Variants in FBXL17 observed in about 807,000 individuals in gnomAD.
The protein encoded by FBXL17 is F-box/LRR-repeat protein 17.
Under a neutral mutation model 66.2 loss-of-function variants are expected in FBXL17, and 22 were observed. The observed-to-expected ratio is 0.33, with a 90% CI of 0.24 to 0.47. The LOEUF (loss-of-function observed/expected upper bound fraction) is 0.47. Ranked by LOEUF, FBXL17 falls within the 20% of genes least tolerant of loss-of-function variation. The pLI is 1.00. For missense variants in FBXL17, 878 were observed against 948.2 expected (o/e 0.93, Z 0.97); for synonymous variants, 474 against 400.5 (o/e 1.18, Z -2.19).
intron 4 of FBXL17, among the ~76,000 whole-genome samples, chr5:108,248,276 G>C (rs1004460057): frequency 5.9e-5 from 9 of 152,080 alleles, no homozygotes; most frequent in Non-Finnish European, 1.3e-4. Flanking sequence ...AGAACCACAT[G>C]GAAGTTTTTG....
At chr5:108,098,259 T>C in intron 6 of FBXL17, among the ~76,000 whole-genome samples, 1 of 150,910 alleles carries the variant, frequency 6.6e-6, no homozygotes, top group South Asian at 2.1e-4. Context: ...CTAATAAATG[T>C]TTTGATTTCT....
At chr5:107,935,041 C>T (rs1254899140) in intron 7 of FBXL17, among the ~76,000 whole-genome samples, 4 of 151,766 alleles carry the variant, frequency 2.6e-5, no homozygotes, top group African/African-American at 9.7e-5. Context: ...AAAGAATGGT[C>T]TGTAGATCAA....
chr5:108,066,874 G>C (rs1483790356), intron 6 of FBXL17, among the ~76,000 whole-genome samples: 1 of 151,868 alleles, frequency 6.6e-6, no homozygotes, highest in Non-Finnish European at 1.5e-5. Context: ...AAAAATATGA[G>C]AAAATTCTAT....
At position 108,059,196 on chromosome 5, in the gene FBXL17, T is replaced by C. The variant is rs556318193; in HGVS notation, c.1746-38195A>G. On this transcript the variant is annotated intron_variant, in intron 6 of 8. Coordinates refer to ENST00000542267, the MANE Select transcript of FBXL17 (RefSeq NM_001163315.3). ...AGTATGGACTGCACTGTGCTATTCC[T>C]GTGCAACAATTACCACAGAGTGAAA... Among the ~76,000 whole-genome samples the C allele has an allele frequency of 3.9e-5, 6 of 152,374 alleles. No homozygotes were observed. In the East Asian group the frequency reaches 1.2e-3, roughly 29 times the overall value.
chr5:108,373,294 T>C (rs1368194958), intron 1 of FBXL17, among the ~76,000 whole-genome samples: 1 of 136,866 alleles, frequency 7.3e-6, no homozygotes, highest in Admixed American at 9.0e-5. Context: ...TTAATATAAA[T>C]ATAATATATA....
chr5:108,363,179 C>A (rs1052389877), intron 3 of FBXL17, among the ~76,000 whole-genome samples: 7 of 151,970 alleles, frequency 4.6e-5, no homozygotes, highest in Admixed American at 3.3e-4. Flanking sequence ...CAACATTTAA[C>A]ATAATAGTAT....
rs532235970 is a variant in FBXL17, at chr5:108,191,027, G to T, written c.1615-4780C>A. On this transcript the variant is annotated intron_variant, in intron 5 of 8. Coordinates refer to ENST00000542267, the MANE Select transcript of FBXL17 (RefSeq NM_001163315.3). ...ATAAACTACATTAAATGGACCCATA[G>T]GGCTGCCTGTAAATACTTTGACATA... Among the ~76,000 whole-genome samples, 5 of 152,266 alleles carry T rather than the reference G, an allele frequency of 3.3e-5. No individual in the cohort carries two copies. In the South Asian group the frequency reaches 1.0e-3, roughly 32 times the overall value.
At chr5:107,980,532 C>T (rs1752766478) in intron 7 of FBXL17, among the ~76,000 whole-genome samples, 1 of 148,332 alleles carries the variant, frequency 6.7e-6, no homozygotes, top group Admixed American at 6.8e-5. Context: ...GACAAGGTTT[C>T]ACCATGTTGC....
At chr5:108,211,435 A>G (rs1291751236) in intron 5 of FBXL17, among the ~76,000 whole-genome samples, 1 of 152,092 alleles carries the variant, frequency 6.6e-6, no homozygotes, top group Non-Finnish European at 1.5e-5. Context: ...GTTCTTTACA[A>G]TTTGGTATGT....
chr5:107,919,664 C>A (rs994361751), intron 7 of FBXL17, among the ~76,000 whole-genome samples: 1 of 152,132 alleles, frequency 6.6e-6, no homozygotes, highest in African/African-American at 2.4e-5. Flanking sequence ...ATGCTCTATC[C>A]TCCCATCCCC....
At chr5:108,203,730 T>C (rs1297254372) in intron 5 of FBXL17, among the ~76,000 whole-genome samples, 1 of 152,130 alleles carries the variant, frequency 6.6e-6, no homozygotes, top group Non-Finnish European at 1.5e-5. Flanking sequence ...GTTCTTTCTG[T>C]AGAGTAAGGC....
At chr5:108,079,326 G>A (rs1001371930) in intron 6 of FBXL17, among the ~76,000 whole-genome samples, 18 of 152,038 alleles carry the variant, frequency 1.2e-4, no homozygotes, top group African/African-American at 3.9e-4. Flanking sequence ...AAATAGTTGT[G>A]TAATAATGGA....
At chr5:107,887,400 C>T (rs1017234320) in intron 7 of FBXL17, among the ~76,000 whole-genome samples, 6 of 152,176 alleles carry the variant, frequency 3.9e-5, no homozygotes, top group Admixed American at 2.0e-4. Context: ...TAACAAGCGA[C>T]CTGCATGTGC....
chr5:108,112,608 A>G (rs1466799354), intron 6 of FBXL17, among the ~76,000 whole-genome samples: 1 of 152,226 alleles, frequency 6.6e-6, no homozygotes, highest in Non-Finnish European at 1.5e-5. Flanking sequence ...TCCCATGAGG[A>G]GAAAAAACAA....
chr5:107,875,002 C>T (rs1435285285), intron 8 of FBXL17, among the ~76,000 whole-genome samples: 1 of 152,108 alleles, frequency 6.6e-6, no homozygotes, highest in Non-Finnish European at 1.5e-5. Context: ...GTCATGTGGG[C>T]TGTCTGAGTA....
intron 7 of FBXL17, among the ~76,000 whole-genome samples, chr5:107,925,562 C>A (rs901317404): frequency 2.6e-5 from 4 of 152,230 alleles, no homozygotes; most frequent in African/African-American, 9.6e-5. Context: ...TGCCCAAGAG[C>A]AGCCCCTGGC....
chr5:108,286,039 A>C (rs992419015), intron 4 of FBXL17, among the ~76,000 whole-genome samples: 2 of 151,978 alleles, frequency 1.3e-5, no homozygotes, highest in Non-Finnish European at 1.5e-5. Context: ...GAAAACAAAA[A>C]ACACATGATT....
At chr5:108,307,193 G>A (rs1487934947) in intron 4 of FBXL17, among the ~76,000 whole-genome samples, 1 of 151,998 alleles carries the variant, frequency 6.6e-6, no homozygotes, top group Non-Finnish European at 1.5e-5. Flanking sequence ...TCCTTAAGAA[G>A]ACATTTTTGA....
intron 7 of FBXL17, among the ~76,000 whole-genome samples, chr5:107,969,543 A>G (rs756590639): frequency 6.6e-6 from 1 of 152,184 alleles, no homozygotes; most frequent in African/African-American, 2.4e-5. Flanking sequence ...GCAGGTGAAC[A>G]AAGTTAAGTC....
Sources: allele counts gnomAD v4.1 joint callset (sites outside exome capture counted in the v4.1 genomes callset), GRCh38; gene constraint gnomAD v4.1.1; transcripts MANE v1.5; gene names NCBI Gene and HGNC (gene_info 2026-07-23, HGNC 2026-07-21).